The following PHACTR3 variants were observed in gnomAD, a reference collection of about 807,000 sequenced individuals.
PHACTR3 encodes the protein phosphatase and actin regulator 3.
In PHACTR3, 16 loss-of-function variants were observed where a neutral mutation model predicts 66.8. That is an observed-to-expected ratio of 0.24 (90% confidence interval 0.16 to 0.36). PHACTR3 has a LOEUF of 0.36. PHACTR3 is among the 10% of genes least tolerant of loss of function. The probability of loss-of-function intolerance (pLI) is 1.00; values close to 1 mark genes in which losing one functional copy is unlikely to be tolerated. For synonymous variants in PHACTR3, 323 were observed against 292.1 expected (o/e 1.11, Z -1.08); for missense variants, 647 against 719.9 (o/e 0.90, Z 1.16).
chr20:59,813,128 G>A (rs912561080), intron 8 of PHACTR3, among the ~76,000 whole-genome samples: 4 of 152,154 alleles, frequency 2.6e-5, no homozygotes, highest in Admixed American at 1.3e-4. Flanking sequence ...TCCTTTGCCC[G>A]CTGATGTCTG....
intron 1 of PHACTR3, among the ~76,000 whole-genome samples, chr20:59,695,690 A>G (rs1341750523): frequency 6.6e-6 from 1 of 151,950 alleles, no homozygotes; most frequent in Non-Finnish European, 1.5e-5. Flanking sequence ...ATTTCTGTTT[A>G]GAAAATGGGG....
intron 1 of PHACTR3, among the ~76,000 whole-genome samples, chr20:59,646,090 C>T (rs56085993): frequency 0.075 from 11,425 of 152,222 alleles, 565 homozygotes; most frequent in Middle Eastern, 0.16. Context: ...TCTGAGGGGA[C>T]GTGTCAGTCA....
chr20:59,785,533 A>G (rs985141602), intron 7 of PHACTR3, among the ~76,000 whole-genome samples: 2 of 152,154 alleles, frequency 1.3e-5, no homozygotes, highest in South Asian at 2.1e-4. Flanking sequence ...GCTGGACTCC[A>G]TTCTTGCAGC....
At chr20:59,761,400 G>A (rs2039990035) in intron 4 of PHACTR3, among the ~76,000 whole-genome samples, 1 of 152,176 alleles carries the variant, frequency 6.6e-6, no homozygotes, top group African/African-American at 2.4e-5. Flanking sequence ...AGCTGCCCAA[G>A]CTGAGACCAA....
Position 59,815,432 on chromosome 20 carries a change from G to GT in PHACTR3, c.1328+9249dup, listed in dbSNP as rs761210737. Among the ~76,000 whole-genome samples the GT allele has an allele frequency of 1.8e-3, 233 of 130,238 alleles. 1 individual carries two copies. The highest frequency in any genetic ancestry group is 1.8e-3 in the African/African-American group (63 of 34,350). The allele number at this position is 130,238 out of a possible 152,430, so 85.4% of individuals were successfully genotyped here. On this transcript the variant is annotated intron_variant, in intron 8 of 12. Coordinates refer to ENST00000371015, the MANE Select transcript of PHACTR3 (RefSeq NM_080672.5). ...TTGGGGTTCTGGTTTTTTTTTTTTT[G>GT]TTTTTTTTTTTGAGATGGACTCTCA...
chr20:59,745,226 C>T (rs952678316), intron 2 of PHACTR3, among the ~76,000 whole-genome samples: 4 of 152,310 alleles, frequency 2.6e-5, no homozygotes, highest in Non-Finnish European at 5.9e-5. Context: ...GGGGAAGGCA[C>T]GTCTGTGCAG....
At chr20:59,710,733 C>G (rs139919411) in intron 1 of PHACTR3, among the ~76,000 whole-genome samples, 51 of 150,594 alleles carry the variant, frequency 3.4e-4, no homozygotes, top group African/African-American at 1.2e-3. Flanking sequence ...CAGGCCTCCT[C>G]CTCCTTTTTC....
rs77974473 is a variant in PHACTR3, at chr20:59,786,975, G to C, written c.1174+12485G>C. Among the ~76,000 whole-genome samples, 868 of 151,954 alleles carry C rather than the reference G, an allele frequency of 5.7e-3. 9 individuals carry two copies. Among genetic ancestry groups the C allele is most frequent in the African/African-American group, 0.02 (822 of 41,442 alleles). On this transcript the variant is annotated intron_variant, in intron 7 of 12. Transcript: ENST00000371015. ...ATGCAGGACTTTTGCAATCCAACGTGCGTGTGTTATTTTAAATTTCATGGC... is the reference window on the plus strand; with the variant it reads ...ATGCAGGACTTTTGCAATCCAACGTCCGTGTGTTATTTTAAATTTCATGGC...
intron 1 of PHACTR3, among the ~76,000 whole-genome samples, chr20:59,588,021 A>G (rs1413037339): frequency 2.0e-5 from 3 of 152,066 alleles, no homozygotes; most frequent in Non-Finnish European, 4.4e-5. Flanking sequence ...CCCAGCTGCA[A>G]AGGCCTTCAC....
intron 1 of PHACTR3, among the ~76,000 whole-genome samples, chr20:59,598,407 C>T (rs1009099302): frequency 1.8e-4 from 27 of 152,294 alleles, no homozygotes; most frequent in African/African-American, 6.5e-4. Flanking sequence ...CTCAGCGGGG[C>T]CACACAGTCA....
At chr20:59,645,884 C>A (rs1483256703) in intron 1 of PHACTR3, among the ~76,000 whole-genome samples, 1 of 152,110 alleles carries the variant, frequency 6.6e-6, no homozygotes. Flanking sequence ...GAGTTTCTTT[C>A]CCCTCCCCTG....
chr20:59,711,746 C>T (rs2037920917), intron 1 of PHACTR3, among the ~76,000 whole-genome samples: 5 of 152,216 alleles, frequency 3.3e-5, no homozygotes, highest in Admixed American at 6.5e-5. Flanking sequence ...AATGGTTTCA[C>T]GCCATTGTAA....
chr20:59,676,879 G>T (rs1478878874), intron 1 of PHACTR3: 1 of 221,956 alleles, frequency 4.5e-6, no homozygotes, highest in Non-Finnish European at 6.6e-6. Flanking sequence ...GGCCCTAAGA[G>T]AATGGCTTTT....
At chr20:59,709,460 C>T (rs1020545603) in intron 1 of PHACTR3, among the ~76,000 whole-genome samples, 3 of 152,194 alleles carry the variant, frequency 2.0e-5, no homozygotes, top group African/African-American at 4.8e-5. Context: ...TTGCTTTTCT[C>T]ATTGGTTCTA....
chr20:59,700,158 C>T (rs570104245), intron 1 of PHACTR3, among the ~76,000 whole-genome samples: 1 of 152,232 alleles, frequency 6.6e-6, no homozygotes, highest in South Asian at 2.1e-4. Flanking sequence ...CTGTTTTGTA[C>T]CTTTTCTTAC....
chr20:59,668,606 G>A (rs2036080169), intron 1 of PHACTR3, among the ~76,000 whole-genome samples: 1 of 152,170 alleles, frequency 6.6e-6, no homozygotes, highest in African/African-American at 2.4e-5. Context: ...ATTAGGCCAG[G>A]TCCTCTCAAA....
intron 1 of PHACTR3, among the ~76,000 whole-genome samples, chr20:59,619,326 G>A (rs937493174): frequency 2.6e-5 from 4 of 152,250 alleles, no homozygotes; most frequent in Admixed American, 6.5e-5. Flanking sequence ...GGATGGAAGC[G>A]GGGGATGCTG....
chr20:59,714,128 G>T (rs1333336559), intron 1 of PHACTR3, among the ~76,000 whole-genome samples: 3 of 151,994 alleles, frequency 2.0e-5, no homozygotes, highest in African/African-American at 4.8e-5. Flanking sequence ...ATATATTCTG[G>T]ATATGAGTCT....
intron 7 of PHACTR3, among the ~76,000 whole-genome samples, chr20:59,797,775 C>T (rs2041296166): frequency 1.3e-5 from 2 of 152,184 alleles, no homozygotes; most frequent in African/African-American, 2.4e-5. Flanking sequence ...GTAAATTACA[C>T]TGTTGCTTTT....
Sources: allele counts gnomAD v4.1 joint callset (sites outside exome capture counted in the v4.1 genomes callset), GRCh38; gene constraint gnomAD v4.1.1; transcripts MANE v1.5; gene names NCBI Gene and HGNC (gene_info 2026-07-23, HGNC 2026-07-21).